Variants in SHROOM4 observed in about 807,000 individuals in gnomAD.
SHROOM4 encodes protein Shroom4.
In SHROOM4, 17 loss-of-function variants were observed where a neutral mutation model predicts 80.3. The observed-to-expected ratio is 0.21, with a 90% CI of 0.14 to 0.32. The LOEUF (loss-of-function observed/expected upper bound fraction) is 0.32. SHROOM4 is among the 10% of genes least tolerant of loss of function. SHROOM4 has a pLI of 1.00. For missense variants in SHROOM4, 993 were observed against 1,140.3 expected, an observed-to-expected ratio of 0.87 and a Z score of 1.86; for synonymous variants, 400 against 437.5, an observed-to-expected ratio of 0.91 and a Z score of 1.07.
At chrX:50,583,471 A>G (rs1297874409), downstream of SHROOM4, among the ~76,000 whole-genome samples, 4 of 111,611 alleles carry the variant, frequency 3.6e-5, no homozygotes, top group African/African-American at 6.5e-5. Context: ...AAATGATAGA[A>G]TATGGCAAAG....
chrX:50,721,394 A>G (rs1334241127), intron 1 of SHROOM4, among the ~76,000 whole-genome samples: 2 of 112,699 alleles, frequency 1.8e-5, no homozygotes, highest in African/African-American at 6.5e-5. Flanking sequence ...ATGCTCAACA[A>G]CGGGTGGATT....
Position 50,596,271 on chromosome X carries a change from T to C in SHROOM4, c.*424A>G, listed in dbSNP as rs1277844540. On this transcript the variant is annotated 3_prime_UTR_variant, in exon 9 of 9. Transcript: ENST00000376020. ...CAGCCAGCTCTCTGTGAGAAATGGC[T>C]GGCCACAAGCCCTGGGGCAGAGTAG... 3.0e-6 allele frequency: 1 copy of C among 338,643 alleles called. No homozygotes were observed. The highest frequency in any genetic ancestry group is 2.6e-5 in the African/African-American group (1 of 38,510). 27.9% of individuals were successfully genotyped at this position (338,643 alleles called of 1,213,427 possible).
Position 50,590,328 on chromosome X carries a change from G to A in SHROOM4, c.*6367C>T, listed in dbSNP as rs782748589. Among the ~76,000 whole-genome samples, 2 of 110,891 alleles carry A rather than the reference G, an allele frequency of 1.8e-5. No homozygotes were observed. Among genetic ancestry groups the A allele is most frequent in the South Asian group, 3.9e-4 (1 of 2,572 alleles). ...GTGGCTCAATCTCTGCTCACTGCAA[G>A]CTCCGCCTCCTGGGTTCACGCCATT... On this transcript the variant is annotated 3_prime_UTR_variant, in exon 9 of 9. Transcript: ENST00000376020.
chrX:50,598,237 T>C (rs782087322), intron 8 of SHROOM4, 29 bp downstream of exon 8: 3 of 1,208,120 alleles, frequency 2.5e-6, no homozygotes, highest in Non-Finnish European at 3.4e-6. Flanking sequence ...TATTTCCCTC[T>C]ACCCACACCC....
intron 1 of SHROOM4, among the ~76,000 whole-genome samples, chrX:50,708,253 C>T (rs1443805608): frequency 1.8e-5 from 2 of 112,121 alleles, no homozygotes; most frequent in Non-Finnish European, 3.8e-5. Flanking sequence ...TATTCTGGGT[C>T]CAAACTCTTT....
chrX:50,773,260 C>T (rs931015876), intron 1 of SHROOM4, among the ~76,000 whole-genome samples: 1 of 112,108 alleles, frequency 8.9e-6, no homozygotes, highest in Non-Finnish European at 1.9e-5. Flanking sequence ...TAAGTTTTCA[C>T]GACCACAAAC....
chrX:50,597,518 C>T (rs1232516609), intron 8 of SHROOM4, among the ~76,000 whole-genome samples: 3 of 111,736 alleles, frequency 2.7e-5, no homozygotes, highest in African/African-American at 9.8e-5. Flanking sequence ...TGACAGCTTT[C>T]CAATCTCAAA....
chrX:50,686,656 A>G (rs182999581), intron 2 of SHROOM4, among the ~76,000 whole-genome samples: 2 of 111,266 alleles, frequency 1.8e-5, no homozygotes, highest in African/African-American at 6.5e-5. Flanking sequence ...ATGTCATTTG[A>G]TCATTATAAC....
At chrX:50,695,512 A>C (rs1933346209) in intron 2 of SHROOM4, among the ~76,000 whole-genome samples, 1 of 111,918 alleles carries the variant, frequency 8.9e-6, no homozygotes, top group Non-Finnish European at 1.9e-5. Context: ...TTGGTATATA[A>C]TGAGTAATTT....
At chrX:50,605,778 AAATGGGGATAAT>A (rs1929636291) in intron 6 of SHROOM4, among the ~76,000 whole-genome samples, 1 of 112,685 alleles carries the variant, frequency 8.9e-6, no homozygotes, top group Admixed American at 9.4e-5. Context: ...CTCATCTGTC[AAATGGGGATAAT>A]AATGGCTAAT....
At chrX:50,598,657 G>A (rs1479913104) in intron 7 of SHROOM4, 122 bp from the exon 8 acceptor site, 2 of 866,110 alleles carry the variant, frequency 2.3e-6, no homozygotes, top group Non-Finnish European at 3.2e-6. Flanking sequence ...CTAGTCACTG[G>A]AAACAAAGGA....
In SHROOM4 at chrX:50,673,565, T is replaced by C. The variant is rs782202791; in HGVS notation, c.269+22221A>G. On this transcript the variant is annotated intron_variant, in intron 2 of 8. Coordinates refer to ENST00000376020, the MANE Select transcript of SHROOM4 (RefSeq NM_020717.5). Reference sequence around the variant, plus strand: ...CTAACATATTAATAAGTATGTGAAATGTAAGTGGTCTAAACACATCAATGA... The same window carrying C: ...CTAACATATTAATAAGTATGTGAAACGTAAGTGGTCTAAACACATCAATGA... Among the ~76,000 whole-genome samples, 3 of 111,087 alleles carry C rather than the reference T, an allele frequency of 2.7e-5. No individual in the cohort carries two copies. The East Asian group carries it at 8.5e-4, about 31-fold the overall frequency.
intron 5 of SHROOM4, among the ~76,000 whole-genome samples, chrX:50,609,665 ATGTG>A (rs3078713): frequency 6.4e-4 from 56 of 88,104 alleles, no homozygotes; most frequent in Middle Eastern, 6.2e-3. Flanking sequence ...AGTCATGGAT[ATGTG>A]TGTGTGTGTG....
chrX:50,621,047 C>T (rs1252758556), intron 5 of SHROOM4, among the ~76,000 whole-genome samples: 1 of 111,642 alleles, frequency 9.0e-6, no homozygotes, highest in Non-Finnish European at 1.9e-5. Context: ...ATGATATCCT[C>T]CATTTAACAG....
At chrX:50,808,976 C>G (rs891377713) in intron 1 of SHROOM4, among the ~76,000 whole-genome samples, 2 of 110,943 alleles carry the variant, frequency 1.8e-5, no homozygotes, top group Non-Finnish European at 1.9e-5. Context: ...TACCACCCAC[C>G]CTTCTTGCTC....
chrX:50,806,233 C>T (rs1182311172), intron 1 of SHROOM4, among the ~76,000 whole-genome samples: 2 of 111,845 alleles, frequency 1.8e-5, no homozygotes, highest in Non-Finnish European at 3.8e-5. Context: ...CTAGGCAGTA[C>T]TTGTGTTGCG....
At chrX:50,728,219 C>G (rs1557266027) in intron 1 of SHROOM4, among the ~76,000 whole-genome samples, 2 of 110,830 alleles carry the variant, frequency 1.8e-5, no homozygotes, top group Non-Finnish European at 3.8e-5. Flanking sequence ...ATTAGCCAGG[C>G]ATGGTGGCGG....
chrX:50,595,798 G>T lies in SHROOM4; in HGVS notation c.*897C>A, dbSNP rs59106232. ...TCTTCTCGCCTTATTAGTTAAAAAAGAAAAAAATAATCAAAACATAAAAAT... is the reference window on the plus strand; with the variant it reads ...TCTTCTCGCCTTATTAGTTAAAAAATAAAAAAATAATCAAAACATAAAAAT... On this transcript the variant is annotated 3_prime_UTR_variant, in exon 9 of 9. Transcript: ENST00000376020. 1.9e-5 allele frequency: 6 copies of T among 307,737 alleles called. No individual in the cohort carries two copies. Among genetic ancestry groups the T allele is most frequent in the Non-Finnish European group, 3.0e-5 (5 of 164,491 alleles). 25.4% of individuals were successfully genotyped at this position (307,737 alleles called of 1,213,427 possible). A position where few individuals can be genotyped will look rare whatever the true frequency, so the allele number is the denominator to read the frequency against.
chrX:50,728,795 G>A (rs1358029672), intron 1 of SHROOM4, among the ~76,000 whole-genome samples: 1 of 111,999 alleles, frequency 8.9e-6, no homozygotes, highest in African/African-American at 3.2e-5. Flanking sequence ...CAAAAGTAAA[G>A]AGTCTAACTG....
Sources: allele counts gnomAD v4.1 joint callset (sites outside exome capture counted in the v4.1 genomes callset), GRCh38; gene constraint gnomAD v4.1.1; transcripts MANE v1.5; gene names NCBI Gene and HGNC (gene_info 2026-07-23, HGNC 2026-07-21).